The following FRMD6 variants were observed in gnomAD, a reference collection of about 807,000 sequenced individuals.
FRMD6 encodes the protein FERM domain containing 6, also known as FERM domain-containing protein 6.
Under a neutral mutation model 73.2 loss-of-function variants are expected in FRMD6, and 37 were observed. The observed-to-expected ratio is 0.51, with a 90% confidence interval of 0.39 to 0.66. The LOEUF (loss-of-function observed/expected upper bound fraction) is 0.66. Ranked by LOEUF, FRMD6 falls within the 30% of genes least tolerant of loss-of-function variation. The pLI, the probability that FRMD6 is intolerant of heterozygous loss-of-function variation, is 0.00. For missense variants in FRMD6, 714 were observed against 780.5 expected, an observed-to-expected ratio of 0.91 and a Z score of 1.02; for synonymous variants, 273 against 282.2, an observed-to-expected ratio of 0.97 and a Z score of 0.33.
At chr14:51,700,609 C>T (rs185106740) in intron 3 of FRMD6, among the ~76,000 whole-genome samples, 12 of 152,030 alleles carry the variant, frequency 7.9e-5, no homozygotes, top group East Asian at 7.7e-4. Flanking sequence ...GAGCTGATAC[C>T]GTGTTTTCTA....
chr14:51,440,056 G>T, the FRMD6 span, among the ~76,000 whole-genome samples: 3 of 152,280 alleles, frequency 2.0e-5, no homozygotes, highest in East Asian at 5.8e-4. Flanking sequence ...AAAGAATTCA[G>T]CAGGAAAACA....
At chr14:51,708,333 T>C in intron 7 of FRMD6, 100 bp downstream of exon 7, 2 of 1,135,784 alleles carry the variant, frequency 1.8e-6, no homozygotes, top group Non-Finnish European at 2.5e-6. Flanking sequence ...TTAAAACTTA[T>C]TTCATTTTTT....
At chr14:51,412,702 A>T in the FRMD6 span, among the ~76,000 whole-genome samples, 1 of 152,004 alleles carries the variant, frequency 6.6e-6, no homozygotes, top group South Asian at 2.1e-4. Flanking sequence ...ATACAAAAAA[A>T]TTAGCCGGGT....
intron 1 of FRMD6, among the ~76,000 whole-genome samples, chr14:51,505,619 C>A (rs985170606): frequency 1.3e-5 from 2 of 152,134 alleles, no homozygotes; most frequent in African/African-American, 4.8e-5. Flanking sequence ...AGTCCAAAAT[C>A]CATATTTATA....
At chr14:51,557,129 AAAG>A (rs1887177900) in intron 1 of FRMD6, among the ~76,000 whole-genome samples, 1 of 152,090 alleles carries the variant, frequency 6.6e-6, no homozygotes, top group Admixed American at 6.6e-5. Context: ...GAAAAGAGGA[AAAG>A]AAGAAGGAAG....
intron 1 of FRMD6, among the ~76,000 whole-genome samples, chr14:51,500,250 C>T (rs545961949): frequency 2.0e-4 from 30 of 152,062 alleles, no homozygotes; most frequent in Admixed American, 7.2e-4. Flanking sequence ...GTATGTAGGC[C>T]GGGCGTGGTG....
In FRMD6 at chr14:51,665,877, G is replaced by A. The variant is rs139570360; in HGVS notation, c.-147+13881G>A. On this transcript the variant is annotated intron_variant, in intron 1 of 13. Coordinates refer to ENST00000344768, the MANE Select transcript of FRMD6 (RefSeq NM_001267046.2). Reference sequence around the variant, plus strand: ...TGCACAAGCCCTCTTCTCGTCTGCCGCCATATGAGTTGTGCCTTTCACCTT... The same window carrying A: ...TGCACAAGCCCTCTTCTCGTCTGCCACCATATGAGTTGTGCCTTTCACCTT... Among the ~76,000 whole-genome samples, 117 of 152,238 alleles carry A rather than the reference G, an allele frequency of 7.7e-4. 1 individual carries two copies. Among genetic ancestry groups the A allele is most frequent in the African/African-American group, 1.7e-3 (71 of 41,530 alleles).
chr14:51,481,741 G>A, the FRMD6 span, among the ~76,000 whole-genome samples: 1 of 152,170 alleles, frequency 6.6e-6, no homozygotes, highest in Non-Finnish European at 1.5e-5. Context: ...CATCATGTGT[G>A]GACTGACATA....
At chr14:51,471,331 T>TACA in the FRMD6 span, among the ~76,000 whole-genome samples, 5 of 151,596 alleles carry the variant, frequency 3.3e-5, no homozygotes, top group Admixed American at 1.3e-4. Context: ...CTACTAAAAA[T>TACA]ACAACAACAA....
intron 1 of FRMD6, among the ~76,000 whole-genome samples, chr14:51,656,548 G>A (rs1392090389): frequency 1.3e-5 from 2 of 151,870 alleles, no homozygotes; most frequent in African/African-American, 4.8e-5. Context: ...CGAGTAGCTG[G>A]GATTATAGGT....
intron 1 of FRMD6, among the ~76,000 whole-genome samples, chr14:51,670,753 C>A (rs1199294853): frequency 1.3e-5 from 2 of 151,706 alleles, no homozygotes; most frequent in African/African-American, 4.8e-5. Flanking sequence ...TCAAGCGATT[C>A]TCCTGCCTCA....
At chr14:51,445,088 T>C in the FRMD6 span, among the ~76,000 whole-genome samples, 1 of 152,126 alleles carries the variant, frequency 6.6e-6, no homozygotes, top group Non-Finnish European at 1.5e-5. Flanking sequence ...TGCCATCCAG[T>C]TGACCACCAA....
At chr14:51,534,269 C>T (rs546089715) in intron 1 of FRMD6, among the ~76,000 whole-genome samples, 1 of 152,284 alleles carries the variant, frequency 6.6e-6, no homozygotes, top group African/African-American at 2.4e-5. Context: ...CAGCTTTTAC[C>T]CATATAATAT....
intron 2 of FRMD6, among the ~76,000 whole-genome samples, chr14:51,604,978 A>G (rs1890190650): frequency 6.6e-6 from 1 of 152,130 alleles, no homozygotes; most frequent in African/African-American, 2.4e-5. Flanking sequence ...GGCCTATGCG[A>G]GCTGTGATCT....
intron 1 of FRMD6, among the ~76,000 whole-genome samples, chr14:51,677,655 T>C (rs1894488412): frequency 1.3e-5 from 2 of 152,136 alleles, no homozygotes; most frequent in Admixed American, 1.3e-4. Flanking sequence ...TTGTTCTTGT[T>C]GGTTGCCTAT....
the FRMD6 span, among the ~76,000 whole-genome samples, chr14:51,460,252 A>C: frequency 6.6e-6 from 1 of 152,206 alleles, no homozygotes; most frequent in South Asian, 2.1e-4. Context: ...GGAAACACAC[A>C]TGAACCACGA....
the FRMD6 span, among the ~76,000 whole-genome samples, chr14:51,424,511 C>T: frequency 2.6e-5 from 4 of 151,022 alleles, no homozygotes; most frequent in African/African-American, 7.3e-5. Context: ...AGGACGCTTC[C>T]GCTGAAAGGC....
chr14:51,424,427 C>T, the FRMD6 span, among the ~76,000 whole-genome samples: 17 of 152,262 alleles, frequency 1.1e-4, no homozygotes, highest in Non-Finnish European at 2.1e-4. Flanking sequence ...AAATTCATAT[C>T]GTTGATCTTC....
chr14:51,690,913 T>C (rs1185367979), intron 2 of FRMD6, among the ~76,000 whole-genome samples: 1 of 152,208 alleles, frequency 6.6e-6, no homozygotes, highest in Non-Finnish European at 1.5e-5. Flanking sequence ...AGAAACCTTA[T>C]GTGTGCAGCT....
Sources: gnomAD v4.1 joint callset for allele counts (sites outside exome capture counted in the v4.1 genomes callset) on GRCh38, gnomAD v4.1.1 for gene constraint, MANE v1.5 for transcripts, NCBI Gene and HGNC (gene_info 2026-07-23, HGNC 2026-07-21) for gene names.